The following DOCK3 variants were observed in gnomAD, a reference collection of about 807,000 sequenced individuals.
DOCK3 encodes the protein dedicator of cytokinesis protein 3.
In DOCK3, 60 loss-of-function variants were observed where a neutral mutation model predicts 265.6. That is an observed-to-expected ratio of 0.23 (90% CI 0.18 to 0.28). The LOEUF (loss-of-function observed/expected upper bound fraction) is 0.28, where lower values mean the gene tolerates loss of function less well. Ranked by LOEUF, DOCK3 falls within the 10% of genes least tolerant of loss-of-function variation. DOCK3 has a pLI of 1.00. For synonymous variants in DOCK3, 881 were observed against 938.0 expected, an observed-to-expected ratio of 0.94 and a Z score of 1.11; for missense variants, 1,981 against 2,594.3, an observed-to-expected ratio of 0.76 and a Z score of 5.14.
chr3:51,209,051 A>G (rs1247646077), intron 13 of DOCK3, among the ~76,000 whole-genome samples, 189 bp downstream of exon 13: 1 of 152,190 alleles, frequency 6.6e-6, no homozygotes, highest in Non-Finnish European at 1.5e-5. Flanking sequence ...ACCAAAATAC[A>G]TTTTGTGTTT....
chr3:50,938,495 C>T (rs2051517798), intron 5 of DOCK3, among the ~76,000 whole-genome samples: 1 of 151,920 alleles, frequency 6.6e-6, no homozygotes, highest in African/African-American at 2.4e-5. Context: ...TGTTCATTCA[C>T]CAAGATAGAC....
chr3:51,252,666 CTG>C (rs1267775511), intron 22 of DOCK3, among the ~76,000 whole-genome samples: 5 of 152,096 alleles, frequency 3.3e-5, no homozygotes, highest in African/African-American at 1.2e-4. Context: ...CTCTGTTTGT[CTG>C]TTATTGGTGT....
chr3:50,997,284 A>T (rs1474221705), intron 5 of DOCK3, among the ~76,000 whole-genome samples: 4 of 152,236 alleles, frequency 2.6e-5, no homozygotes, highest in Non-Finnish European at 5.9e-5. Flanking sequence ...TTGAAGTTAA[A>T]GATTGTCTAG....
At chr3:50,836,669 C>G (rs1190037215) in intron 2 of DOCK3, among the ~76,000 whole-genome samples, 1 of 152,172 alleles carries the variant, frequency 6.6e-6, no homozygotes, top group Non-Finnish European at 1.5e-5. Context: ...GAGACACTTT[C>G]CTCATTGTCT....
chr3:51,041,131 A>G (rs760642255), intron 5 of DOCK3, among the ~76,000 whole-genome samples: 2 of 132,194 alleles, frequency 1.5e-5, no homozygotes, highest in African/African-American at 2.8e-5. Context: ...CAGAGGAATC[A>G]CTATCTATGG....
At chr3:51,080,281 A>G (rs2082183113) in intron 7 of DOCK3, among the ~76,000 whole-genome samples, 1 of 152,224 alleles carries the variant, frequency 6.6e-6, no homozygotes, top group Non-Finnish European at 1.5e-5. Context: ...TGATTTCTCT[A>G]CTGGAGAAAA....
chr3:50,701,913 C>T lies in DOCK3; in HGVS notation c.37+26613C>T, dbSNP rs571313783. Among the ~76,000 whole-genome samples the T allele has an allele frequency of 5.3e-4, 81 of 152,256 alleles. No homozygotes were observed. The South Asian group carries it at 6.6e-3, about 12-fold the overall frequency. ...TATTTCTGGTTTTCTCTGTTCTGTT[C>T]CAGTGGTTTATGTGTCTGTTTTTAA... On this transcript the variant is annotated intron_variant, in intron 1 of 52. Transcript: ENST00000266037.
chr3:50,877,263 C>A, intron 3 of DOCK3: 1 of 342,648 alleles, frequency 2.9e-6, no homozygotes, highest in South Asian at 2.3e-5. Context: ...TTTATTCTTT[C>A]TTTGATTTCT....
intron 10 of DOCK3, among the ~76,000 whole-genome samples, chr3:51,151,341 G>A (rs2085581075): frequency 6.6e-6 from 1 of 151,796 alleles, no homozygotes; most frequent in African/African-American, 2.4e-5. Context: ...TGTGTGACCT[G>A]AGGGACCTGA....
intron 1 of DOCK3, among the ~76,000 whole-genome samples, chr3:50,774,484 A>G (rs140129226): frequency 2.0e-5 from 3 of 151,926 alleles, no homozygotes; most frequent in Admixed American, 2.0e-4. Context: ...TAAATGGTGT[A>G]TTTTCAAAAC....
intron 12 of DOCK3, among the ~76,000 whole-genome samples, chr3:51,166,650 C>T (rs548827615): frequency 6.0e-4 from 92 of 152,266 alleles, no homozygotes; most frequent in Non-Finnish European, 1.0e-3. Flanking sequence ...GTGATTACAG[C>T]CATCCTAAGA....
At chr3:51,059,458 CA>C (rs2081328579) in intron 5 of DOCK3, among the ~76,000 whole-genome samples, 1 of 3,632 alleles carries the variant, frequency 2.8e-4, no homozygotes, top group Non-Finnish European at 5.7e-4. Context: ...AAAAAAACCA[CA>C]CACACACACA....
At position 51,214,195 on chromosome 3, in the gene DOCK3, T is replaced by C; in HGVS notation, c.1200T>C (p.Asn400=). The C allele has an allele frequency of 6.2e-7, 1 of 1,613,820 alleles. No individual in the cohort carries two copies. The highest frequency in any genetic ancestry group is 8.5e-7 in the Non-Finnish European group (1 of 1,179,796). Reference sequence around the variant, plus strand: ...GGAGAGAAAATCCCATGATATTTAATAGGGGATTGGCAATTACAAGAAAAT... The same window carrying C: ...GGAGAGAAAATCCCATGATATTTAACAGGGGATTGGCAATTACAAGAAAAT... ...QIRRENPMIF[N]RGLAITRKLG... is the part of the protein sequence containing the mutation. The change falls in exon 14 of 53, where the codon AAT becomes AAC. Residue 400 remains asparagine (N), a synonymous_variant. Coordinates refer to ENST00000266037, the MANE Select transcript of DOCK3 (RefSeq NM_004947.5).
chr3:50,847,159 T>G (rs1214782844), intron 3 of DOCK3, among the ~76,000 whole-genome samples: 1 of 152,192 alleles, frequency 6.6e-6, no homozygotes, highest in Non-Finnish European at 1.5e-5. Context: ...TACCAGAGGT[T>G]TTGGTATGTT....
chr3:51,102,671 C>T (rs1238836522), intron 9 of DOCK3, among the ~76,000 whole-genome samples: 2 of 152,046 alleles, frequency 1.3e-5, no homozygotes, highest in Admixed American at 6.5e-5. Flanking sequence ...AAAAGGAAGC[C>T]CTGAGACGAG....
intron 5 of DOCK3, among the ~76,000 whole-genome samples, chr3:50,941,432 T>A (rs1231938744): frequency 1.3e-5 from 2 of 152,166 alleles, no homozygotes; most frequent in Non-Finnish European, 2.9e-5. Flanking sequence ...ATGCCAAGGA[T>A]GTGGATCTGC....
At chr3:50,805,990 G>C (rs2043388713) in intron 2 of DOCK3, among the ~76,000 whole-genome samples, 1 of 152,090 alleles carries the variant, frequency 6.6e-6, no homozygotes, top group Non-Finnish European at 1.5e-5. Flanking sequence ...TCTCAAGCCT[G>C]TGACATGGCT....
chr3:51,232,687 T>A (rs2078177619), intron 19 of DOCK3, among the ~76,000 whole-genome samples: 1 of 152,228 alleles, frequency 6.6e-6, no homozygotes, highest in South Asian at 2.1e-4. Flanking sequence ...TGGAGAAATG[T>A]CTATTCATGT....
chr3:50,682,057 A>G (rs1486871678), intron 1 of DOCK3, among the ~76,000 whole-genome samples: 2 of 152,244 alleles, frequency 1.3e-5, no homozygotes, highest in African/African-American at 4.8e-5. Context: ...CTGTGCCTTC[A>G]TATAAATAAC....
Sources: gnomAD v4.1 joint callset for allele counts (sites outside exome capture counted in the v4.1 genomes callset) on GRCh38, gnomAD v4.1.1 for gene constraint, MANE v1.5 for transcripts, NCBI Gene and HGNC (gene_info 2026-07-23, HGNC 2026-07-21) for gene names.